PHTF1: variants seen among roughly 807,000 people sequenced by gnomAD.
PHTF1 encodes the protein protein PHTF1.
A neutral mutation model predicts 102.4 loss-of-function variants in PHTF1; 88 were observed. That is an observed-to-expected ratio of 0.86 (90% CI 0.72 to 1.03). The LOEUF is 1.03. Ranked by LOEUF, PHTF1 falls within the 50% of genes least tolerant of loss-of-function variation. The probability of loss-of-function intolerance (pLI) is 0.00; values close to 1 mark genes in which losing one functional copy is unlikely to be tolerated. For synonymous variants in PHTF1, 289 were observed against 305.2 expected (o/e 0.95, Z 0.55); for missense variants, 814 against 909.5 (o/e 0.89, Z 1.35).
intron 3 of PHTF1, among the ~76,000 whole-genome samples, chr1:113,751,920 T>C (rs1165647229): frequency 6.6e-6 from 1 of 152,260 alleles, no homozygotes; most frequent in Non-Finnish European, 1.5e-5. Flanking sequence ...TTCTAACAGA[T>C]GTATTATAAA....
chr1:113,699,764 AT>A lies in PHTF1; in HGVS notation c.2081del (p.Asn694IlefsTer8). ...TTACTAGAGTAAGCTGTTCTTTCTT[AT>A]TTGGCTTTTTTTCCATCTTAAGATA... ...NLYLKMEKKP[N>X]KKEQLTLVNN... is the part of the protein sequence containing the mutation. On this transcript the variant is annotated frameshift_variant, in exon 17 of 19. Transcript: ENST00000369604. LOFTEE classifies it high-confidence loss of function. 6.9e-7 allele frequency: 1 copy of A among 1,454,764 alleles called. No individual in the cohort carries two copies. Among genetic ancestry groups the A allele is most frequent in the Non-Finnish European group, 9.5e-7 (1 of 1,051,722 alleles). 90.1% of individuals were successfully genotyped at this position (1,454,764 alleles called of 1,614,324 possible).
intron 5 of PHTF1, among the ~76,000 whole-genome samples, chr1:113,737,544 T>C (rs1655676374): frequency 6.6e-6 from 1 of 152,184 alleles, no homozygotes. Context: ...ATATTCAGGC[T>C]AAACGTGGTG....
At position 113,706,738 on chromosome 1, in the gene PHTF1, T is replaced by C. The variant is rs1650253447; in HGVS notation, c.1270-16A>G. 4 of 1,582,406 alleles carry C rather than the reference T, an allele frequency of 2.5e-6. No individual in the cohort carries two copies. Among genetic ancestry groups the C allele is most frequent in the Non-Finnish European group, 3.4e-6 (4 of 1,163,616 alleles). ...ATAAATGATTCTGAGAAGAAAAATA[T>C]AAAATTGTTTCTATCCATGCCCTCT... On this transcript the variant is annotated splice_polypyrimidine_tract_variant and intron_variant, in intron 11 of 18. Transcript: ENST00000369604.
At chr1:113,703,961 A>G (rs748034153) in intron 15 of PHTF1, 120 bp downstream of exon 15, 29 of 528,246 alleles carry the variant, frequency 5.5e-5, no homozygotes, top group South Asian at 8.3e-5. Context: ...CATCCAAAAT[A>G]GTAAAAAATG....
At position 113,708,840 on chromosome 1, in the gene PHTF1, C is replaced by T. The variant is rs139101015; in HGVS notation, c.1269+1414G>A. Among the ~76,000 whole-genome samples the T allele has an allele frequency of 4.6e-5, 7 of 152,172 alleles. No homozygotes were observed. In the East Asian group the frequency reaches 9.7e-4, roughly 21 times the overall value. Reference sequence around the variant, plus strand: ...CAAATCTCAAAGGAGGGGAGTGCTACGGAGATCAACATCATCGTGATACTA... The same window carrying T: ...CAAATCTCAAAGGAGGGGAGTGCTATGGAGATCAACATCATCGTGATACTA... On this transcript the variant is annotated intron_variant, in intron 11 of 18. Coordinates refer to ENST00000369604, the MANE Select transcript of PHTF1 (RefSeq NM_001323043.2).
intron 5 of PHTF1, among the ~76,000 whole-genome samples, chr1:113,736,445 C>CTTAA (rs1655507573): frequency 6.6e-6 from 1 of 150,930 alleles, no homozygotes; most frequent in Non-Finnish European, 1.5e-5. Flanking sequence ...TTTGAAAAGC[C>CTTAA]TTAAGAATGC....
chr1:113,741,549 C>T (rs1343328443), intron 3 of PHTF1, among the ~76,000 whole-genome samples: 1 of 152,132 alleles, frequency 6.6e-6, no homozygotes, highest in Non-Finnish European at 1.5e-5. Flanking sequence ...ACTTTAGAGC[C>T]AAAATAATTT....
chr1:113,731,091 G>T (rs575820525), intron 5 of PHTF1, among the ~76,000 whole-genome samples: 1 of 152,180 alleles, frequency 6.6e-6, no homozygotes, highest in Admixed American at 6.5e-5. Flanking sequence ...AGTGGGTAAT[G>T]GTTGTATTCC....
chr1:113,710,027 T>C (rs955348045), intron 11 of PHTF1, among the ~76,000 whole-genome samples: 2 of 152,050 alleles, frequency 1.3e-5, no homozygotes, highest in Non-Finnish European at 1.5e-5. Flanking sequence ...TAAGAAAAAG[T>C]AATATACAGA....
chr1:113,718,346 C>T (rs905933140), intron 7 of PHTF1, among the ~76,000 whole-genome samples: 5 of 152,160 alleles, frequency 3.3e-5, no homozygotes, highest in Non-Finnish European at 5.9e-5. Flanking sequence ...CAGGGTAAAG[C>T]CTCCCTCCTG....
intron 3 of PHTF1, among the ~76,000 whole-genome samples, chr1:113,744,582 A>G (rs1218898342): frequency 1.3e-5 from 2 of 152,236 alleles, no homozygotes; most frequent in Non-Finnish European, 2.9e-5. Flanking sequence ...AAAGATTTCC[A>G]CAAAGAAAAA....
intron 3 of PHTF1, among the ~76,000 whole-genome samples, chr1:113,742,461 C>A (rs1245128222): frequency 6.6e-6 from 1 of 152,016 alleles, no homozygotes; most frequent in Non-Finnish European, 1.5e-5. Context: ...CCCGTCTCTA[C>A]TAAAAATACA....
rs906821107 is a variant in PHTF1, at chr1:113,759,109, G to T, written c.-117C>A. 1.0e-6 allele frequency: 1 copy of T among 987,126 alleles called. No homozygotes were observed. The highest frequency in any genetic ancestry group is 1.7e-5 in the African/African-American group (1 of 57,476). 61.1% of individuals were successfully genotyped at this position (987,126 alleles called of 1,614,324 possible). ...ACCGTGAGGCCGGGGGCGAGGCGGC[G>T]GGCCAGGCAGGCCGCATCTTCCCCT... is the stretch of plus-strand genomic sequence containing the variant. On this transcript the variant is annotated 5_prime_UTR_variant, in exon 1 of 19. Transcript: ENST00000369604.
At chr1:113,722,849 G>A (rs1440151303) in intron 7 of PHTF1, among the ~76,000 whole-genome samples, 3 of 151,346 alleles carry the variant, frequency 2.0e-5, no homozygotes, top group African/African-American at 7.3e-5. Context: ...GAACCTGGGA[G>A]GCAGAGGTTG....
At chr1:113,756,558 C>T (rs1405656842) in intron 3 of PHTF1, among the ~76,000 whole-genome samples, 1 of 152,116 alleles carries the variant, frequency 6.6e-6, no homozygotes, top group Non-Finnish European at 1.5e-5. Flanking sequence ...GTATTAAAGT[C>T]GCAGAGAGTT....
chr1:113,712,631 CAT>C (rs1462728097), intron 8 of PHTF1, among the ~76,000 whole-genome samples: 2 of 152,198 alleles, frequency 1.3e-5, no homozygotes, highest in African/African-American at 4.8e-5. Flanking sequence ...TAGTTTTAGA[CAT>C]AGAGCAGACC....
chr1:113,699,677 A>G, intron 17 of PHTF1, 27 bp downstream of exon 17: 1 of 895,520 alleles, frequency 1.1e-6, no homozygotes, highest in Non-Finnish European at 1.8e-6. Flanking sequence ...AAATGATAGT[A>G]AAAGTGTATC....
At position 113,724,773 on chromosome 1, in the gene PHTF1, A is replaced by T. The variant is rs745856000; in HGVS notation, c.609T>A (p.Thr203=). Residue 203 remains threonine (T), a synonymous_variant, in exon 7 of 19, where the codon ACT becomes ACA. Coordinates refer to ENST00000369604, the MANE Select transcript of PHTF1 (RefSeq NM_001323043.2). ...SVPIIGGFWE[T]IFGNRIKRVK... is the part of the protein sequence containing the mutation. ...AAGACTCCCACCTGTTGCCAAAGAT[A>T]GTCTCCCAAAAACCACCAATAATGG... 1.3e-6 allele frequency: 2 copies of T among 1,598,266 alleles called. No homozygotes were observed. Among genetic ancestry groups the T allele is most frequent in the Middle Eastern group, 3.3e-4 (2 of 5,986 alleles).
chr1:113,713,257 G>A (rs766319654), intron 8 of PHTF1, 22 bp downstream of exon 8: 2 of 1,607,798 alleles, frequency 1.2e-6, no homozygotes, highest in African/African-American at 2.7e-5. Context: ...AAAACCCCTT[G>A]TTAAATCCAT....
Sources: allele counts gnomAD v4.1 joint callset (sites outside exome capture counted in the v4.1 genomes callset), GRCh38; gene constraint gnomAD v4.1.1; transcripts MANE v1.5; gene names NCBI Gene and HGNC (gene_info 2026-07-23, HGNC 2026-07-21).